The following FARS2 variants were observed in gnomAD, a reference collection of about 807,000 sequenced individuals.
FARS2 encodes phenylalanyl-tRNA synthetase 2, mitochondrial, also known as phenylalanine--tRNA ligase, mitochondrial.
Under a neutral mutation model 46.4 loss-of-function variants are expected in FARS2, and 40 were observed. That is an observed-to-expected ratio of 0.86 (90% CI 0.67 to 1.12). The LOEUF (loss-of-function observed/expected upper bound fraction) is 1.12. Among genes scored for constraint, FARS2 ranks in the 50% most tolerant of loss-of-function variants. The probability of loss-of-function intolerance (pLI) is 0.00; values close to 1 mark genes in which losing one functional copy is unlikely to be tolerated. For synonymous variants in FARS2, 234 were observed against 214.9 expected (o/e 1.09, Z -0.78); for missense variants, 513 against 567.9 (o/e 0.90, Z 0.98).
intron 5 of FARS2, among the ~76,000 whole-genome samples, chr6:5,610,456 C>T (rs1775114713): frequency 6.6e-6 from 1 of 151,962 alleles, no homozygotes; most frequent in Non-Finnish European, 1.5e-5. Flanking sequence ...AAAAATACAA[C>T]AATAAAACAT....
At chr6:5,405,480 C>CTTGTTTTTTTTTTTTTTT (rs1761518955) in intron 3 of FARS2, among the ~76,000 whole-genome samples, 1 of 58,946 alleles carries the variant, frequency 1.7e-5, no homozygotes, top group African/African-American at 6.5e-5. Context: ...GAGCAAGGTT[C>CTTGTTTTTTTTTTTTTTT]TTTTTTTTTT....
rs762872699 is a variant in FARS2 at position 5,621,356 on chromosome 6, G to T, written c.1217+8036G>T. Among the ~76,000 whole-genome samples, 5 of 151,844 alleles carry T rather than the reference G, an allele frequency of 3.3e-5. No individual in the cohort carries two copies. In the South Asian group the frequency reaches 6.2e-4, roughly 19 times the overall value. ...TCCTCCCTCCTTGGCCTCCTAAAATGTTGGGATTACAGGTGTGAACCACTA... is the reference window on the plus strand; with the variant it reads ...TCCTCCCTCCTTGGCCTCCTAAAATTTTGGGATTACAGGTGTGAACCACTA... On this transcript the variant is annotated intron_variant, in intron 6 of 6. Transcript: ENST00000274680.
rs374114438 is a variant in FARS2 at position 5,312,342 on chromosome 6, A to G, written c.-22+50682A>G. On this transcript the variant is annotated intron_variant, in intron 1 of 6. Coordinates refer to ENST00000274680, the MANE Select transcript of FARS2 (RefSeq NM_006567.5). ...CTGTGTAGTATTTTTTGTGTTTCAGAAGGCCTTTTTTATACACTTTCACTT... is the reference window on the plus strand; with the variant it reads ...CTGTGTAGTATTTTTTGTGTTTCAGGAGGCCTTTTTTATACACTTTCACTT... Among the ~76,000 whole-genome samples, 57 of 152,288 alleles carry G rather than the reference A, an allele frequency of 3.7e-4. No individual in the cohort carries two copies. The South Asian group carries it at 9.3e-3, about 25-fold the overall frequency.
At chr6:5,648,399 C>G (rs931294089) in intron 6 of FARS2, among the ~76,000 whole-genome samples, 3 of 152,194 alleles carry the variant, frequency 2.0e-5, no homozygotes, top group South Asian at 4.1e-4. Flanking sequence ...ATCAACTCCC[C>G]TTGGTCAGCT....
chr6:5,373,274 A>G (rs1759170835), intron 2 of FARS2, among the ~76,000 whole-genome samples: 1 of 152,158 alleles, frequency 6.6e-6, no homozygotes, highest in Non-Finnish European at 1.5e-5. Flanking sequence ...TCATCTGTCT[A>G]GGAAAACAGT....
chr6:5,326,811 A>T (rs1271057932), intron 1 of FARS2, among the ~76,000 whole-genome samples: 1 of 151,652 alleles, frequency 6.6e-6, no homozygotes, highest in Admixed American at 6.6e-5. Flanking sequence ...TGTGCTGTGG[A>T]TTTTTTTTTC....
Position 5,297,240 on chromosome 6 carries a change from G to T in FARS2, c.-22+35580G>T, listed in dbSNP as rs567940706. Among the ~76,000 whole-genome samples the T allele has an allele frequency of 2.0e-5, 3 of 152,284 alleles. No individual in the cohort carries two copies. The South Asian group carries it at 6.2e-4, about 32-fold the overall frequency. ...AAGGTGAGGCACAGAGAGTCCAAGGGGCATGACTGAGGGCCCCTGCCTCAT... is the reference window on the plus strand; with the variant it reads ...AAGGTGAGGCACAGAGAGTCCAAGGTGCATGACTGAGGGCCCCTGCCTCAT... On this transcript the variant is annotated intron_variant, in intron 1 of 6. Transcript: ENST00000274680.
At chr6:5,279,586 A>T (rs946222015) in intron 1 of FARS2, among the ~76,000 whole-genome samples, 3 of 147,998 alleles carry the variant, frequency 2.0e-5, no homozygotes, top group African/African-American at 5.0e-5. Context: ...ATATATATAT[A>T]TTTTATATAT....
intron 3 of FARS2, among the ~76,000 whole-genome samples, chr6:5,410,101 C>T (rs1243061616): frequency 2.0e-5 from 3 of 151,804 alleles, no homozygotes; most frequent in Non-Finnish European, 4.4e-5. Context: ...TCAGGATTCT[C>T]AGCTGTTTCT....
At chr6:5,550,116 A>C (rs1771284060) in intron 5 of FARS2, among the ~76,000 whole-genome samples, 1 of 152,154 alleles carries the variant, frequency 6.6e-6, no homozygotes, top group Non-Finnish European at 1.5e-5. Context: ...ATTTCCATTC[A>C]AAAAGGGAGA....
At chr6:5,649,999 T>G (rs1777269339) in intron 6 of FARS2, among the ~76,000 whole-genome samples, 1 of 152,156 alleles carries the variant, frequency 6.6e-6, no homozygotes, top group African/African-American at 2.4e-5. Context: ...AAGGTTCAGG[T>G]GACAATCGTA....
At chr6:5,754,598 T>C (rs1451883164) in intron 6 of FARS2, among the ~76,000 whole-genome samples, 1 of 152,264 alleles carries the variant, frequency 6.6e-6, no homozygotes, top group African/African-American at 2.4e-5. Context: ...CTTAGGTCTT[T>C]CTTCAAAGGT....
rs201420800 is a variant in FARS2 at position 5,715,417 on chromosome 6, C to G, written c.1218-55874C>G. On this transcript the variant is annotated intron_variant, in intron 6 of 6. Transcript: ENST00000274680. The stretch of plus-strand genomic sequence containing the variant: ...TGATTTTAAAACGTTTTCATGACCC[C>G]GAAAGAAACCCAAGACCCCTCAGCA... Among the ~76,000 whole-genome samples, 4 of 152,172 alleles carry G rather than the reference C, an allele frequency of 2.6e-5. No individual in the cohort carries two copies. In the East Asian group the frequency reaches 5.8e-4, roughly 22 times the overall value.
intron 4 of FARS2, among the ~76,000 whole-genome samples, chr6:5,482,370 T>C (rs1009890829): frequency 1.1e-4 from 16 of 152,182 alleles, no homozygotes; most frequent in Non-Finnish European, 4.4e-5. Flanking sequence ...TGTTGCTGGA[T>C]TAAATGAAGT....
intron 5 of FARS2, among the ~76,000 whole-genome samples, chr6:5,559,669 T>C (rs562885000): frequency 2.0e-5 from 3 of 151,688 alleles, no homozygotes; most frequent in South Asian, 4.2e-4. Context: ...AATTCTAAAA[T>C]GTATATGGAA....
chr6:5,443,966 A>C (rs116533096), intron 4 of FARS2, among the ~76,000 whole-genome samples: 2 of 152,152 alleles, frequency 1.3e-5, no homozygotes, highest in African/African-American at 4.8e-5. Flanking sequence ...CAGAGAAGCC[A>C]CTGAAATAGT....
At chr6:5,726,443 C>T (rs184379583) in intron 6 of FARS2, among the ~76,000 whole-genome samples, 2 of 152,306 alleles carry the variant, frequency 1.3e-5, no homozygotes, top group African/African-American at 4.8e-5. Context: ...CCTGAAACCA[C>T]ACATGCATGA....
At chr6:5,726,317 G>T (rs1362181654) in intron 6 of FARS2, among the ~76,000 whole-genome samples, 1 of 152,164 alleles carries the variant, frequency 6.6e-6, no homozygotes, top group African/African-American at 2.4e-5. Context: ...TCACCAGCAG[G>T]CCCAGTGCCA....
chr6:5,751,160 G>T (rs1761925610), intron 6 of FARS2, among the ~76,000 whole-genome samples: 1 of 152,118 alleles, frequency 6.6e-6, no homozygotes. Context: ...TCCCTCGAGT[G>T]ATTTTAATTG....
Sources: allele counts gnomAD v4.1 joint callset (sites outside exome capture counted in the v4.1 genomes callset), GRCh38; gene constraint gnomAD v4.1.1; transcripts MANE v1.5; gene names NCBI Gene and HGNC (gene_info 2026-07-23, HGNC 2026-07-21).